Variants in CSRNP3 observed in about 807,000 individuals in gnomAD.
CSRNP3 encodes cysteine/serine-rich nuclear protein 3.
CSRNP3 carries 12 observed loss-of-function variants against 48.0 expected under a neutral mutation model. That is an observed-to-expected ratio of 0.25 (90% CI 0.16 to 0.41). The LOEUF is 0.41. Ranked by LOEUF, CSRNP3 falls within the 10% of genes least tolerant of loss-of-function variation. The pLI is 1.00. For synonymous variants in CSRNP3, 263 were observed against 269.7 expected (o/e 0.98, Z 0.24); for missense variants, 580 against 724.4 (o/e 0.80, Z 2.29).
chr2:165,641,649 T>G (rs1057254738), intron 4 of CSRNP3, among the ~76,000 whole-genome samples: 1 of 152,160 alleles, frequency 6.6e-6, no homozygotes. Flanking sequence ...AAAATTTTGC[T>G]CATATAAATC....
chr2:165,562,986 G>A (rs1685253595), intron 3 of CSRNP3, among the ~76,000 whole-genome samples: 1 of 152,148 alleles, frequency 6.6e-6, no homozygotes, highest in Admixed American at 6.6e-5. Flanking sequence ...AGAGAAGACA[G>A]TGTGAGAAGT....
At chr2:165,641,549 ATTC>A (rs199937031) in intron 4 of CSRNP3, among the ~76,000 whole-genome samples, 4,502 of 152,276 alleles carry the variant, frequency 0.03, 112 homozygotes, top group Non-Finnish European at 0.044. Context: ...CCTTAAAAGA[ATTC>A]TTCTTCTCAC....
rs140252889 is a variant in CSRNP3 at position 165,627,424 on chromosome 2, C to A, written c.149-30337C>A. On this transcript the variant is annotated intron_variant, in intron 4 of 6. Transcript: ENST00000651982. ...CTGCTCTTTCTATTATAGCCACAGGCAGCTTTTCTGAGTTCTTTTCTCTTT... is the reference window on the plus strand; with the variant it reads ...CTGCTCTTTCTATTATAGCCACAGGAAGCTTTTCTGAGTTCTTTTCTCTTT... Among the ~76,000 whole-genome samples the A allele has an allele frequency of 3.2e-3, 488 of 152,274 alleles. 1 individual carries two copies. The highest frequency in any genetic ancestry group is 9.9e-3 in the African/African-American group (411 of 41,556).
At chr2:165,587,230 G>A (rs1270391428) in intron 3 of CSRNP3, among the ~76,000 whole-genome samples, 2 of 152,208 alleles carry the variant, frequency 1.3e-5, no homozygotes, top group African/African-American at 4.8e-5. Flanking sequence ...TTAAAATAAA[G>A]TAGTTCTTAT....
chr2:165,608,217 C>T (rs756248844), intron 4 of CSRNP3, among the ~76,000 whole-genome samples: 13 of 151,586 alleles, frequency 8.6e-5, no homozygotes, highest in Non-Finnish European at 1.5e-4. Flanking sequence ...CTCAAAGTAT[C>T]GTACATTAGA....
At chr2:165,562,268 T>C (rs1015492907) in intron 3 of CSRNP3, among the ~76,000 whole-genome samples, 3 of 152,116 alleles carry the variant, frequency 2.0e-5, no homozygotes, top group Non-Finnish European at 4.4e-5. Flanking sequence ...CTTCTGCATT[T>C]GAAAGAAAAA....
At chr2:165,647,210 G>A (rs1686828249) in intron 4 of CSRNP3, among the ~76,000 whole-genome samples, 1 of 152,010 alleles carries the variant, frequency 6.6e-6, no homozygotes, top group Non-Finnish European at 1.5e-5. Flanking sequence ...TATTAATGGA[G>A]GAACTAAGAA....
At chr2:165,594,468 A>G (rs1013658654) in intron 3 of CSRNP3, among the ~76,000 whole-genome samples, 4 of 152,210 alleles carry the variant, frequency 2.6e-5, no homozygotes, top group Non-Finnish European at 5.9e-5. Flanking sequence ...CTTCCAGGTA[A>G]ATAGCCTTAG....
chr2:165,614,820 A>G (rs1231013017), intron 4 of CSRNP3, among the ~76,000 whole-genome samples: 1 of 152,186 alleles, frequency 6.6e-6, no homozygotes, highest in East Asian at 1.9e-4. Context: ...CTGACCTAAT[A>G]AATGGTTAGG....
chr2:165,571,331 T>G (rs1685370708), intron 3 of CSRNP3, among the ~76,000 whole-genome samples: 1 of 152,004 alleles, frequency 6.6e-6, no homozygotes, highest in Admixed American at 6.6e-5. Context: ...TCATTTTAAT[T>G]TAGACAGTCA....
intron 2 of CSRNP3, among the ~76,000 whole-genome samples, chr2:165,514,589 G>A (rs1684550435): frequency 6.6e-6 from 1 of 152,248 alleles, no homozygotes; most frequent in Admixed American, 6.5e-5. Context: ...ACCCAGCACA[G>A]GTGCTAAACT....
chr2:165,472,603 T>C (rs1226739668), intron 1 of CSRNP3, among the ~76,000 whole-genome samples: 1 of 151,948 alleles, frequency 6.6e-6, no homozygotes, highest in African/African-American at 2.4e-5. Flanking sequence ...CCATACACCA[T>C]TTTTTTCAAA....
chr2:165,657,706 C>T (rs1278825449), intron 4 of CSRNP3, 55 bp from the exon 5 acceptor site: 14 of 1,590,148 alleles, frequency 8.8e-6, no homozygotes, highest in Non-Finnish European at 1.1e-5. Flanking sequence ...TTTTCTTGGC[C>T]TTGTCTGAAA....
chr2:165,597,364 A>G (rs1685829398), intron 4 of CSRNP3, among the ~76,000 whole-genome samples: 1 of 152,170 alleles, frequency 6.6e-6, no homozygotes, highest in Non-Finnish European at 1.5e-5. Context: ...TAAGAAGAAA[A>G]CATTATAAGA....
chr2:165,655,088 C>G (rs1686980333), intron 4 of CSRNP3, among the ~76,000 whole-genome samples: 1 of 152,158 alleles, frequency 6.6e-6, no homozygotes, highest in Non-Finnish European at 1.5e-5. Flanking sequence ...AAAAATGAGA[C>G]AAAGGAGCTT....
intron 4 of CSRNP3, among the ~76,000 whole-genome samples, chr2:165,615,611 A>G (rs915320170): frequency 4.0e-5 from 6 of 151,428 alleles, no homozygotes; most frequent in Non-Finnish European, 8.8e-5. Context: ...ATTATTATAT[A>G]TAATGCTTTT....
intron 1 of CSRNP3, among the ~76,000 whole-genome samples, chr2:165,473,310 C>T (rs1474633821): frequency 6.6e-6 from 1 of 152,046 alleles, no homozygotes; most frequent in Non-Finnish European, 1.5e-5. Context: ...ATTACTTCCC[C>T]TATAATATAA....
chr2:165,496,193 T>C (rs961361052), intron 2 of CSRNP3, among the ~76,000 whole-genome samples: 7 of 152,054 alleles, frequency 4.6e-5, no homozygotes, highest in African/African-American at 9.6e-5. Context: ...TTTTAGAAAG[T>C]ATTAAAAAAG....
intron 4 of CSRNP3, among the ~76,000 whole-genome samples, chr2:165,617,631 G>T (rs1050305042): frequency 2.0e-5 from 3 of 152,190 alleles, no homozygotes; most frequent in African/African-American, 7.2e-5. Context: ...ACTAGCAGTG[G>T]TTATAGCAAC....
Sources: gnomAD v4.1 joint callset for allele counts (sites outside exome capture counted in the v4.1 genomes callset) on GRCh38, gnomAD v4.1.1 for gene constraint, MANE v1.5 for transcripts, NCBI Gene and HGNC (gene_info 2026-07-23, HGNC 2026-07-21) for gene names.